The following NRG1 variants were observed in gnomAD, a reference collection of about 807,000 sequenced individuals.
NRG1 encodes the protein neuregulin 1.
Under a neutral mutation model 63.8 loss-of-function variants are expected in NRG1, and 18 were observed. The observed-to-expected ratio is 0.28, with a 90% confidence interval of 0.19 to 0.42. NRG1 has a LOEUF of 0.42. Ranked by LOEUF, NRG1 falls within the 10% of genes least tolerant of loss-of-function variation. NRG1 has a pLI of 1.00. For missense variants in NRG1, 762 were observed against 814.7 expected (o/e 0.94, Z 0.79); for synonymous variants, 302 against 301.3 (o/e 1.00, Z -0.02).
intron 1 of NRG1, among the ~76,000 whole-genome samples, chr8:32,298,169 A>T (rs1855115746): frequency 6.6e-6 from 1 of 152,220 alleles, no homozygotes; most frequent in Non-Finnish European, 1.5e-5. Context: ...TTCTGCAATT[A>T]TTATTCATTT....
At chr8:32,415,699 C>T (rs1253637093) in intron 1 of NRG1, among the ~76,000 whole-genome samples, 2 of 152,166 alleles carry the variant, frequency 1.3e-5, no homozygotes, top group Non-Finnish European at 2.9e-5. Context: ...TCCATGTACA[C>T]TTCATTCCCC....
At chr8:32,399,509 A>G (rs1812890696) in intron 1 of NRG1, among the ~76,000 whole-genome samples, 1 of 152,314 alleles carries the variant, frequency 6.6e-6, no homozygotes, top group South Asian at 2.1e-4. Context: ...GTTCGAGGCC[A>G]GCGTGGCCAA....
intron 1 of NRG1, among the ~76,000 whole-genome samples, chr8:32,374,362 C>G (rs1327052825): frequency 6.6e-6 from 1 of 152,124 alleles, no homozygotes. Context: ...CTACATTAAC[C>G]ACATTACATC....
chr8:32,181,763 A>C (rs1841451298), intron 1 of NRG1, among the ~76,000 whole-genome samples: 1 of 152,204 alleles, frequency 6.6e-6, no homozygotes, highest in Admixed American at 6.5e-5. Context: ...CATACAAACA[A>C]CAATTAATTG....
intron 1 of NRG1, among the ~76,000 whole-genome samples, chr8:31,772,419 G>A (rs994690175): frequency 8.5e-5 from 13 of 152,072 alleles, no homozygotes; most frequent in African/African-American, 2.2e-4. Context: ...ATGCCTTTGC[G>A]GACAGATTCA....
chr8:32,140,498 T>C (rs1836108329), intron 1 of NRG1, among the ~76,000 whole-genome samples: 1 of 151,986 alleles, frequency 6.6e-6, no homozygotes, highest in Admixed American at 6.6e-5. Context: ...GACCTCACTC[T>C]GTTGCCCATC....
chr8:32,529,592 T>C (rs1000596060), intron 1 of NRG1, among the ~76,000 whole-genome samples: 35 of 152,306 alleles, frequency 2.3e-4, no homozygotes, highest in African/African-American at 8.4e-4. Flanking sequence ...TTCTATAAGC[T>C]TTTTCTGTTT....
intron 1 of NRG1, among the ~76,000 whole-genome samples, chr8:32,353,197 G>C (rs1805868548): frequency 6.6e-6 from 1 of 150,398 alleles, no homozygotes; most frequent in Non-Finnish European, 1.5e-5. Context: ...GTTATGCCAT[G>C]AAAGAGACAA....
At chr8:32,419,803 C>T (rs990174055) in intron 1 of NRG1, among the ~76,000 whole-genome samples, 4 of 152,168 alleles carry the variant, frequency 2.6e-5, no homozygotes, top group Middle Eastern at 3.2e-3. Flanking sequence ...TAGAATACCT[C>T]GTCATAACAC....
chr8:32,065,303 T>A (rs987792836), intron 1 of NRG1, among the ~76,000 whole-genome samples: 2 of 152,170 alleles, frequency 1.3e-5, no homozygotes, highest in Non-Finnish European at 2.9e-5. Context: ...GCTGCACCCA[T>A]TAACTCATCA....
chr8:31,646,894 G>A (rs182829152), intron 1 of NRG1, among the ~76,000 whole-genome samples: 179 of 152,248 alleles, frequency 1.2e-3, no homozygotes, highest in African/African-American at 4.0e-3. Flanking sequence ...AATCTGGATC[G>A]ACCTTTGGGG....
At chr8:32,179,221 G>A (rs1319373731) in intron 1 of NRG1, among the ~76,000 whole-genome samples, 1 of 150,714 alleles carries the variant, frequency 6.6e-6, no homozygotes, top group African/African-American at 2.4e-5. Context: ...AAAGTAGGAG[G>A]GAGTGCCTAT....
At chr8:31,763,109 A>G (rs984036437) in intron 1 of NRG1, among the ~76,000 whole-genome samples, 2 of 152,232 alleles carry the variant, frequency 1.3e-5, no homozygotes, top group Admixed American at 1.3e-4. Flanking sequence ...GCGTTTGAAA[A>G]AAAGGTAACT....
intron 5 of NRG1, among the ~76,000 whole-genome samples, chr8:32,681,999 C>T (rs111512662): frequency 5.0e-4 from 76 of 152,100 alleles, no homozygotes; most frequent in African/African-American, 1.4e-3. Flanking sequence ...GTGCAAGGCA[C>T]GTATTCCAGA....
At chr8:32,470,010 A>T (rs1327593604) in intron 1 of NRG1, among the ~76,000 whole-genome samples, 2 of 146,990 alleles carry the variant, frequency 1.4e-5, no homozygotes, top group African/African-American at 5.0e-5. Flanking sequence ...GGCGCCAGCC[A>T]CAACGCCCAC....
At chr8:32,773,558 G>T (rs190385841) in intron 7 of NRG1, among the ~76,000 whole-genome samples, 95 of 152,238 alleles carry the variant, frequency 6.2e-4, no homozygotes, top group Non-Finnish European at 1.1e-3. Context: ...TCTAATTGGT[G>T]ACAATGGTGA....
intron 1 of NRG1, among the ~76,000 whole-genome samples, chr8:31,666,246 T>C (rs1806528168): frequency 6.6e-6 from 1 of 152,166 alleles, no homozygotes; most frequent in Non-Finnish European, 1.5e-5. Context: ...GGTGGGCATG[T>C]GGGAGACACT....
intron 1 of NRG1, among the ~76,000 whole-genome samples, chr8:32,022,367 T>C (rs1816586285): frequency 6.6e-6 from 1 of 152,190 alleles, no homozygotes; most frequent in Non-Finnish European, 1.5e-5. Context: ...TCAGTCATGT[T>C]ACCAGAGCCT....
intron 1 of NRG1, among the ~76,000 whole-genome samples, chr8:31,961,444 T>A (rs1327260995): frequency 6.6e-6 from 1 of 152,168 alleles, no homozygotes; most frequent in Non-Finnish European, 1.5e-5. Flanking sequence ...CTGAAACTAA[T>A]AAAAGAATTC....
Sources: gnomAD v4.1 joint callset for allele counts (sites outside exome capture counted in the v4.1 genomes callset) on GRCh38, gnomAD v4.1.1 for gene constraint, MANE v1.5 for transcripts, NCBI Gene and HGNC (gene_info 2026-07-23, HGNC 2026-07-21) for gene names.